CCDC33: variants seen among roughly 807,000 people sequenced by gnomAD.
The protein encoded by CCDC33 is coiled-coil domain containing 33, also known as coiled-coil domain-containing protein 33.
Under a neutral mutation model 91.9 loss-of-function variants are expected in CCDC33, and 94 were observed. The ratio of observed to expected loss-of-function variants is 1.02; its 90% CI spans 0.87 to 1.21. The LOEUF (loss-of-function observed/expected upper bound fraction) is 1.21. CCDC33 is among the 50% of genes most tolerant of loss of function. CCDC33 has a pLI of 0.00. For synonymous variants in CCDC33, 396 were observed against 374.5 expected (o/e 1.06, Z -0.66); for missense variants, 940 against 935.5 (o/e 1.00, Z -0.06).
chr15:74,224,860 G>A (rs920326968), intron 2 of CCDC33, among the ~76,000 whole-genome samples: 9 of 152,190 alleles, frequency 5.9e-5, no homozygotes, highest in Non-Finnish European at 1.0e-4. Context: ...TCTGCACCTA[G>A]AAAATAGGAT....
rs1179698563 is a variant in CCDC33, at chr15:74,318,047, C to A, written c.1291-12142C>A. Among the ~76,000 whole-genome samples the A allele has an allele frequency of 2.0e-5, 3 of 150,138 alleles. No homozygotes were observed. The South Asian group carries it at 6.3e-4, about 32-fold the overall frequency. On this transcript the variant is annotated intron_variant, in intron 11 of 18. Coordinates refer to ENST00000398814, the MANE Select transcript of CCDC33 (RefSeq NM_025055.5). Reference sequence around the variant, plus strand: ...AGGCGTGGGGCCCTAAGCCACACTGCAGCTGCAGGGAGGAGAGTGAGCCCA... The same window carrying A: ...AGGCGTGGGGCCCTAAGCCACACTGAAGCTGCAGGGAGGAGAGTGAGCCCA...
At chr15:74,226,227 G>A (rs1428498888) in intron 2 of CCDC33, among the ~76,000 whole-genome samples, 3 of 152,192 alleles carry the variant, frequency 2.0e-5, no homozygotes, top group South Asian at 2.1e-4. Flanking sequence ...CTGGGTGGTC[G>A]TCAAGGACTC....
intron 3 of CCDC33, among the ~76,000 whole-genome samples, chr15:74,264,664 C>T (rs1192654818): frequency 6.6e-6 from 1 of 152,178 alleles, no homozygotes; most frequent in African/African-American, 2.4e-5. Flanking sequence ...GTTGAATTTC[C>T]TCAGGTCTGC....
intron 16 of CCDC33, 97 bp downstream of exon 16, chr15:74,332,942 A>C: frequency 6.9e-7 from 1 of 1,450,108 alleles, no homozygotes; most frequent in Non-Finnish European, 9.3e-7. Context: ...ACCAGGAGCT[A>C]AGCTTCCCAG....
chr15:74,203,043 C>A, exon 1 of CCDC33: 1 of 985,904 alleles, frequency 1.0e-6, no homozygotes, highest in Non-Finnish European at 1.2e-6. Flanking sequence ...AGCCCCTGCC[C>A]GCCACATCTG....
At chr15:74,302,435 G>A (rs890584234) in intron 11 of CCDC33, 2 of 152,306 alleles carry the variant, frequency 1.3e-5, no homozygotes, top group African/African-American at 2.4e-5. Context: ...GGTGCTCTGG[G>A]GACGCTGGGT....
chr15:74,292,082 G>A (rs936777975), intron 10 of CCDC33, among the ~76,000 whole-genome samples: 3 of 152,244 alleles, frequency 2.0e-5, no homozygotes, highest in African/African-American at 7.2e-5. Context: ...TGGGGACAGG[G>A]GCCACTTGTC....
At chr15:74,234,053 C>A (rs1346123518), upstream of CCDC33, among the ~76,000 whole-genome samples, 2 of 152,170 alleles carry the variant, frequency 1.3e-5, no homozygotes, top group African/African-American at 4.8e-5. Context: ...CCAGACATGG[C>A]ATGAGGAAGC....
In CCDC33 at chr15:74,281,851, T is replaced by G. The variant is rs374081827; in HGVS notation, c.1095+2T>G. ...TCCTTCCAGCTGCTTTCCTCTGAGG[T>G]AAGGCTGTGGGCCAGGGGAGGGTCA... On this transcript the variant is annotated splice_donor_variant, in intron 10 of 18. Transcript: ENST00000398814. LOFTEE classifies it high-confidence loss of function. 2 of 1,613,530 alleles carry G rather than the reference T, an allele frequency of 1.2e-6. No individual in the cohort carries two copies. Among genetic ancestry groups the G allele is most frequent in the Non-Finnish European group, 1.7e-6 (2 of 1,179,594 alleles).
chr15:74,308,295 TA>T (rs1210473055), intron 11 of CCDC33, among the ~76,000 whole-genome samples: 1 of 151,602 alleles, frequency 6.6e-6, no homozygotes, highest in African/African-American at 2.4e-5. Context: ...TGTTTTTCAG[TA>T]CAATCCAATT....
chr15:74,318,640 C>A, intron 11 of CCDC33: 1 of 769,604 alleles, frequency 1.3e-6, no homozygotes, highest in South Asian at 1.4e-5. Context: ...CTGCCCCAGG[C>A]CTCATTGACA....
intron 9 of CCDC33, 126 bp downstream of exon 9, chr15:74,280,927 C>A: frequency 1.0e-6 from 1 of 985,292 alleles, no homozygotes; most frequent in Non-Finnish European, 1.3e-6. Context: ...GTCAAGGCAC[C>A]CACCAGGGAA....
intron 1 of CCDC33, among the ~76,000 whole-genome samples, chr15:74,241,126 G>A (rs184139319): frequency 1.2e-4 from 19 of 152,282 alleles, no homozygotes; most frequent in Non-Finnish European, 2.4e-4. Flanking sequence ...ACAGGAGCAT[G>A]GGGGAGAGAA....
chr15:74,335,229 T>C, intron 18 of CCDC33, 141 bp downstream of exon 18: 2 of 775,984 alleles, frequency 2.6e-6, no homozygotes, highest in Admixed American at 1.7e-5. Flanking sequence ...TAGGCTCCCA[T>C]TCCTGCTCCA....
chr15:74,222,748 C>T (rs1421811101), intron 2 of CCDC33, among the ~76,000 whole-genome samples: 1 of 151,514 alleles, frequency 6.6e-6, no homozygotes, highest in Non-Finnish European at 1.5e-5. Flanking sequence ...TTGTGAACGG[C>T]TTTCCTAGCG....
intron 2 of CCDC33, among the ~76,000 whole-genome samples, chr15:74,225,835 T>TGGTGAGG (rs1398954579): frequency 6.6e-6 from 1 of 152,158 alleles, no homozygotes; most frequent in African/African-American, 2.4e-5. Flanking sequence ...GAGCCCACCC[T>TGGTGAGG]GGCCCTGGTG....
chr15:74,295,803 T>C lies in CCDC33; in HGVS notation c.1145T>C (p.Leu382Ser), dbSNP rs1325967167. Residue 382 changes from leucine to serine, a missense_variant, in exon 11 of 19, where the codon TTG becomes TCG. Leu to Ser is a moderately radical substitution (Grantham distance 145, BLOSUM62 -2). Transcript: ENST00000398814. ...AACAACAGCAAGGCTCTTCCTACCT[T>C]GGACCCCAAGATCCTGGATAAGAAG... ...TPNNSKALPTLDPKILDKKLR... is the reference protein window; with the variant it reads ...TPNNSKALPTSDPKILDKKLR... 2 of 1,614,136 alleles carry C rather than the reference T, an allele frequency of 1.2e-6. No individual in the cohort carries two copies. The highest frequency in any genetic ancestry group is 1.1e-5 in the South Asian group (1 of 91,066).
intron 1 of CCDC33, among the ~76,000 whole-genome samples, chr15:74,206,023 T>C (rs2074254168): frequency 6.6e-6 from 1 of 152,212 alleles, no homozygotes; most frequent in South Asian, 2.1e-4. Flanking sequence ...TGGGACTGGC[T>C]ATGTGGCCTT....
chr15:74,253,658 G>A (rs2142325575), intron 2 of CCDC33, among the ~76,000 whole-genome samples: 1 of 152,120 alleles, frequency 6.6e-6, no homozygotes, highest in East Asian at 1.9e-4. Context: ...CAGCAGTGGA[G>A]CCGGGAGCCA....
Sources: gnomAD v4.1 joint callset for allele counts (sites outside exome capture counted in the v4.1 genomes callset) on GRCh38, gnomAD v4.1.1 for gene constraint, MANE v1.5 for transcripts, NCBI Gene and HGNC (gene_info 2026-07-23, HGNC 2026-07-21) for gene names.